SLC29A3: variants seen among roughly 807,000 people sequenced by gnomAD.
SLC29A3 encodes the protein solute carrier family 29 member 3, also known as equilibrative nucleoside transporter 3.
SLC29A3 carries 18 observed loss-of-function variants against 25.4 expected under a neutral mutation model. The observed-to-expected ratio is 0.71, with a 90% CI of 0.49 to 1.05. SLC29A3 has a LOEUF of 1.05. Ranked by LOEUF, SLC29A3 falls within the 50% of genes least tolerant of loss-of-function variation. SLC29A3 has a pLI of 0.00. For synonymous variants in SLC29A3, 258 were observed against 267.1 expected, an observed-to-expected ratio of 0.97 and a Z score of 0.33; for missense variants, 586 against 609.0, an observed-to-expected ratio of 0.96 and a Z score of 0.40.
Position 71,339,608 on chromosome 10 carries a change from G to T in SLC29A3, c.301-4601G>T, listed in dbSNP as rs149140803. ...TGGGATGGACAACACAGTGTGGTTT[G>T]CTTCAGCTCAGGAGGGGCTGTTGGT... is the stretch of plus-strand genomic sequence containing the variant. On this transcript the variant is annotated intron_variant, in intron 2 of 5. Coordinates refer to ENST00000373189, the MANE Select transcript of SLC29A3 (RefSeq NM_018344.6). 1.0e-3 allele frequency among the ~76,000 whole-genome samples: 155 copies of T among 152,254 alleles called. 2 individuals carry two copies. Among genetic ancestry groups the T allele is most frequent in the African/African-American group, 3.5e-3 (144 of 41,534 alleles).
intron 3 of SLC29A3, among the ~76,000 whole-genome samples, chr10:71,370,810 TATATTTTCAGGGTACATATG>T (rs1189590451): frequency 1.8e-4 from 28 of 152,344 alleles, no homozygotes; most frequent in Admixed American, 1.4e-3. Flanking sequence ...AATAGAGGTA[TATATTTTCAGGGTACATATG>T]ATAATTTAAT....
downstream of SLC29A3, among the ~76,000 whole-genome samples, chr10:71,366,700 G>A (rs181256880): frequency 2.0e-5 from 3 of 152,256 alleles, no homozygotes; most frequent in East Asian, 5.8e-4. Context: ...GAGGTGATGT[G>A]GGCGCTTAAC....
intron 3 of SLC29A3, among the ~76,000 whole-genome samples, chr10:71,370,720 A>G (rs1466564124): frequency 6.6e-6 from 1 of 152,064 alleles, no homozygotes; most frequent in Admixed American, 6.5e-5. Flanking sequence ...ATGAAATATA[A>G]CTATATTTTC....
chr10:71,369,863 G>A (rs1441490943), intron 3 of SLC29A3, among the ~76,000 whole-genome samples: 4 of 152,214 alleles, frequency 2.6e-5, no homozygotes, highest in Admixed American at 1.3e-4. Context: ...GAGCTAGGAG[G>A]CTCCAAAGCC....
intron 2 of SLC29A3, among the ~76,000 whole-genome samples, chr10:71,328,692 G>A (rs1434284425): frequency 1.3e-5 from 2 of 152,236 alleles, no homozygotes; most frequent in African/African-American, 4.8e-5. Context: ...TGATAGTGAT[G>A]CCATGGCTCT....
At chr10:71,376,622 A>C (rs1410196258) in intron 4 of SLC29A3, among the ~76,000 whole-genome samples, 1 of 152,244 alleles carries the variant, frequency 6.6e-6, no homozygotes, top group African/African-American at 2.4e-5. Context: ...CTTAAATAAT[A>C]AGATATAGAA....
At chr10:71,326,195 C>T (rs906875392) in intron 2 of SLC29A3, among the ~76,000 whole-genome samples, 10 of 152,146 alleles carry the variant, frequency 6.6e-5, no homozygotes, top group African/African-American at 2.4e-4. Context: ...GCTGGGGTTA[C>T]AGGCATGAGC....
At chr10:71,350,777 A>G (rs1268066674) in intron 3 of SLC29A3, among the ~76,000 whole-genome samples, 1 of 152,212 alleles carries the variant, frequency 6.6e-6, no homozygotes, top group East Asian at 1.9e-4. Context: ...CAGGGGAGGC[A>G]GTAGAGCATC....
chr10:71,335,616 A>C (rs1180349142), intron 2 of SLC29A3, among the ~76,000 whole-genome samples: 1 of 152,120 alleles, frequency 6.6e-6, no homozygotes, highest in Admixed American at 6.5e-5. Flanking sequence ...GGGCCAGTAG[A>C]TGTGATTGAC....
chr10:71,377,267 T>C (rs1847259825), intron 4 of SLC29A3, among the ~76,000 whole-genome samples: 1 of 152,176 alleles, frequency 6.6e-6, no homozygotes, highest in African/African-American at 2.4e-5. Context: ...AGGTATCCCC[T>C]GGGCTGAGGC....
Position 71,362,304 on chromosome 10 carries a change from ATAG to A in SLC29A3, c.1125_1127del (p.Ser376del). The stretch of plus-strand genomic sequence containing the variant: ...GCCTGGATCCAGGTGCCAGGGCCCA[ATAG>A]CAAGGCGCTCCCAGGGTTCGTGCTC... On this transcript the variant is annotated inframe_deletion, in exon 6 of 6. Transcript: ENST00000373189. 1 of 1,614,120 alleles carries A rather than the reference ATAG, an allele frequency of 6.2e-7. No individual in the cohort carries two copies. Among genetic ancestry groups the A allele is most frequent in the Non-Finnish European group, 8.5e-7 (1 of 1,180,010 alleles).
chr10:71,344,057 G>A, intron 2 of SLC29A3, 152 bp from the exon 3 acceptor site: 1 of 710,986 alleles, frequency 1.4e-6, no homozygotes, highest in South Asian at 1.5e-5. Flanking sequence ...ATGGGGTGGG[G>A]CCTTGTTTGG....
chr10:71,349,590 C>T (rs1846694533), intron 3 of SLC29A3, among the ~76,000 whole-genome samples: 1 of 151,996 alleles, frequency 6.6e-6, no homozygotes. Context: ...GTGTGGGCAA[C>T]CTGGCTGACC....
chr10:71,376,480 A>G (rs1589248702), intron 4 of SLC29A3, among the ~76,000 whole-genome samples: 1 of 152,340 alleles, frequency 6.6e-6, no homozygotes, highest in East Asian at 1.9e-4. Flanking sequence ...AATAACTATT[A>G]TACCTCTTAG....
rs150719927 is a variant in SLC29A3, at chr10:71,362,069, C to G, written c.889C>G (p.Pro297Ala). 2.5e-6 allele frequency: 4 copies of G among 1,614,050 alleles called. No individual in the cohort carries two copies. The highest frequency in any genetic ancestry group is 2.2e-5 in the East Asian group (1 of 44,898). ...ASRFIDSHTPPLRPILKKTAS... is the reference protein window; with the variant it reads ...ASRFIDSHTPALRPILKKTAS... Reference sequence around the variant, plus strand: ...CAGATTCATTGATTCCCACACACCCCCTCTCCGCCCCATCCTGAAGAAGAC... The same window carrying G: ...CAGATTCATTGATTCCCACACACCCGCTCTCCGCCCCATCCTGAAGAAGAC... Residue 297 changes from proline (P) to alanine (A), a missense_variant, in exon 6 of 6, where the codon CCT (proline) becomes GCT (alanine). Coordinates refer to ENST00000373189, the MANE Select transcript of SLC29A3 (RefSeq NM_018344.6).
intron 2 of SLC29A3, among the ~76,000 whole-genome samples, chr10:71,325,106 G>A (rs1055668365): frequency 1.3e-5 from 2 of 152,142 alleles, no homozygotes; most frequent in Non-Finnish European, 2.9e-5. Flanking sequence ...AAACAAGAAG[G>A]GGGTATGCTA....
At chr10:71,332,962 T>G (rs1564528834) in intron 2 of SLC29A3, among the ~76,000 whole-genome samples, 1 of 152,226 alleles carries the variant, frequency 6.6e-6, no homozygotes, top group Non-Finnish European at 1.5e-5. Context: ...TGCGCTCCCT[T>G]GCCCTCCAGG....
chr10:71,361,704 G>A (rs1847057211), intron 5 of SLC29A3, among the ~76,000 whole-genome samples: 1 of 152,236 alleles, frequency 6.6e-6, no homozygotes, highest in African/African-American at 2.4e-5. Context: ...GCAGTGGTCA[G>A]TCCTGGTTTC....
chr10:71,362,799 C>T lies in SLC29A3; in HGVS notation c.*191C>T, dbSNP rs1246782722. 1 of 737,546 alleles carries T rather than the reference C, an allele frequency of 1.4e-6. No homozygotes were observed. Among genetic ancestry groups the T allele is most frequent in the Non-Finnish European group, 2.4e-6 (1 of 419,906 alleles). The allele number at this position is 737,546 out of a possible 1,614,324, so 45.7% of individuals were successfully genotyped here. On this transcript the variant is annotated 3_prime_UTR_variant, in exon 6 of 6. Transcript: ENST00000373189. ...CCCATTCCGTGCAAGGCAGATATTC[C>T]AGTCATATTAACAGAACACTCCTGA...
Sources: gnomAD v4.1 joint callset for allele counts (sites outside exome capture counted in the v4.1 genomes callset) on GRCh38, gnomAD v4.1.1 for gene constraint, MANE v1.5 for transcripts, NCBI Gene and HGNC (gene_info 2026-07-23, HGNC 2026-07-21) for gene names.